Variants in MTMR7 observed in about 807,000 individuals in gnomAD.
The protein encoded by MTMR7 is phosphatidylinositol-3-phosphate phosphatase MTMR7.
MTMR7 carries 76 observed loss-of-function variants against 81.2 expected under a neutral mutation model. That is an observed-to-expected ratio of 0.94 (90% confidence interval 0.78 to 1.13). The LOEUF (loss-of-function observed/expected upper bound fraction) is 1.13, where lower values mean the gene tolerates loss of function less well. Ranked by LOEUF, MTMR7 falls within the 50% of genes most tolerant of loss-of-function variation. MTMR7 has a pLI of 0.00. For missense variants in MTMR7, 1,044 were observed against 820.0 expected, an observed-to-expected ratio of 1.27 and a Z score of -3.34; for synonymous variants, 372 against 289.8, an observed-to-expected ratio of 1.28 and a Z score of -2.88.
At chr8:17,309,138 T>C (rs1817649503) in intron 10 of MTMR7, 139 bp downstream of exon 10, 1 of 627,712 alleles carries the variant, frequency 1.6e-6, no homozygotes, top group Non-Finnish European at 2.8e-6. Context: ...TGATATGACA[T>C]ATACAACAAA....
exon 1 of MTMR7, chr8:17,413,349 TCTGCGGCGCGATGG>T: frequency 6.8e-7 from 1 of 1,477,874 alleles, no homozygotes; most frequent in Non-Finnish European, 9.0e-7. Context: ...CCTGCGCGCC[TCTGCGGCGCGATGG>T]GAGGGGCGCG....
chr8:17,392,187 T>G (rs1821128165), intron 1 of MTMR7, among the ~76,000 whole-genome samples: 1 of 152,098 alleles, frequency 6.6e-6, no homozygotes, highest in Non-Finnish European at 1.5e-5. Context: ...AAGCTTTAAA[T>G]AAGGATGAGA....
At chr8:17,302,052 G>C (rs1041524197) in intron 13 of MTMR7, 102 bp downstream of exon 13, 7 of 1,489,620 alleles carry the variant, frequency 4.7e-6, no homozygotes, top group South Asian at 1.2e-5. Flanking sequence ...GACTAAAAAT[G>C]TGAAATATTT....
Position 17,299,249 on chromosome 8 carries a change from G to C in MTMR7, c.*613C>G, listed in dbSNP as rs1300070450. 2 of 152,224 alleles carry C rather than the reference G, an allele frequency of 1.3e-5. No homozygotes were observed. Among genetic ancestry groups the C allele is most frequent in the African/African-American group, 4.8e-5 (2 of 41,446 alleles). The allele number at this position is 152,224 out of a possible 1,614,324, so 9.4% of individuals were successfully genotyped here. ...GAGGAGAAACAGACTATAGATCTCA[G>C]AGAAAAGCAACAAAATTATTCTCAC... On this transcript the variant is annotated 3_prime_UTR_variant, in exon 14 of 14. Coordinates refer to ENST00000180173, the MANE Select transcript of MTMR7 (RefSeq NM_004686.5).
At chr8:17,348,464 T>C (rs1231798672) in intron 5 of MTMR7, among the ~76,000 whole-genome samples, 2 of 150,376 alleles carry the variant, frequency 1.3e-5, no homozygotes, top group African/African-American at 4.9e-5. Context: ...GCAGGAGAAT[T>C]GCTTGAACCT....
At chr8:17,369,509 A>G (rs978236524) in intron 3 of MTMR7, among the ~76,000 whole-genome samples, 8 of 152,216 alleles carry the variant, frequency 5.3e-5, no homozygotes, top group Admixed American at 6.5e-5. Context: ...AGCATTTGGC[A>G]AAGTAATTAT....
At chr8:17,342,448 C>A (rs1819432679) in intron 5 of MTMR7, among the ~76,000 whole-genome samples, 3 of 152,170 alleles carry the variant, frequency 2.0e-5, no homozygotes. Context: ...CCTGTCATGT[C>A]ACAGCCTGTT....
chr8:17,378,430 C>G (rs926894417), intron 1 of MTMR7, among the ~76,000 whole-genome samples: 1 of 152,168 alleles, frequency 6.6e-6, no homozygotes, highest in Admixed American at 6.5e-5. Flanking sequence ...TGGGCACCAT[C>G]TTGAAGACCC....
chr8:17,395,548 G>C (rs183469747), intron 1 of MTMR7, among the ~76,000 whole-genome samples: 1 of 152,126 alleles, frequency 6.6e-6, no homozygotes, highest in Non-Finnish European at 1.5e-5. Flanking sequence ...AATGCACAAG[G>C]GTTCCAATTT....
intron 2 of MTMR7, among the ~76,000 whole-genome samples, chr8:17,372,579 C>T (rs925588044): frequency 2.0e-5 from 3 of 151,994 alleles, no homozygotes; most frequent in Admixed American, 6.6e-5. Flanking sequence ...CAGAGTAAGA[C>T]TCCATCTCAA....
chr8:17,367,489 C>G lies in MTMR7; in HGVS notation c.310+3548G>C, dbSNP rs75819001. Among the ~76,000 whole-genome samples, 125 of 152,278 alleles carry G rather than the reference C, an allele frequency of 8.2e-4. 2 individuals are homozygous for G. The East Asian group carries it at 0.021, about 25-fold the overall frequency. ...TAACTGATCTCATTTGACCCACAAC[C>G]CTTATTTTAACCTAACTTAGTTCTT... On this transcript the variant is annotated intron_variant, in intron 3 of 13. Transcript: ENST00000180173.
intron 1 of MTMR7, among the ~76,000 whole-genome samples, chr8:17,387,879 T>C (rs966103178): frequency 2.6e-5 from 4 of 152,208 alleles, no homozygotes; most frequent in Non-Finnish European, 5.9e-5. Context: ...TAAGCCTGAG[T>C]GTTTATAAAT....
rs1362950868 is a variant in MTMR7, at chr8:17,297,758, G to C, written c.*2104C>G. 6.6e-6 allele frequency: 1 copy of C among 151,902 alleles called. No individual in the cohort carries two copies. The highest frequency in any genetic ancestry group is 1.9e-4 in the East Asian group (1 of 5,190). 9.4% of individuals were successfully genotyped at this position (151,902 alleles called of 1,614,324 possible). A position where few individuals can be genotyped will look rare whatever the true frequency, so the allele number is the denominator to read the frequency against. On this transcript the variant is annotated 3_prime_UTR_variant, in exon 14 of 14. Coordinates refer to ENST00000180173, the MANE Select transcript of MTMR7 (RefSeq NM_004686.5). ...GGGATATTTTAGTCTTGTTGGGTTA[G>C]CCATGCTCTGAAGAATCTGTGAAAG...
chr8:17,298,772 CAT>C lies in MTMR7; in HGVS notation c.*1088_*1089del, dbSNP rs1252475966. 6.6e-6 allele frequency: 1 copy of C among 152,524 alleles called. No homozygotes were observed. The highest frequency in any genetic ancestry group is 2.4e-5 in the African/African-American group (1 of 41,430). The allele number at this position is 152,524 out of a possible 1,614,324, so 9.4% of individuals were successfully genotyped here. On this transcript the variant is annotated 3_prime_UTR_variant, in exon 14 of 14. Coordinates refer to ENST00000180173, the MANE Select transcript of MTMR7 (RefSeq NM_004686.5). ...TCACCTAGTGAAGTCTTTTTTAACT[CAT>C]AAGATAGGGGAGGGACTCTCCCTTA... is the stretch of plus-strand genomic sequence containing the variant.
chr8:17,342,139 T>C (rs1374252606), intron 5 of MTMR7, among the ~76,000 whole-genome samples: 1 of 152,174 alleles, frequency 6.6e-6, no homozygotes, highest in Non-Finnish European at 1.5e-5. Flanking sequence ...TCCCGTACCC[T>C]GCAATTCTGA....
intron 7 of MTMR7, among the ~76,000 whole-genome samples, chr8:17,316,133 G>T (rs1818054472): frequency 6.6e-6 from 1 of 152,138 alleles, no homozygotes; most frequent in African/African-American, 2.4e-5. Context: ...TACTAGCTAT[G>T]TGGGCTTGGG....
chr8:17,316,831 T>C (rs889813286), intron 7 of MTMR7, among the ~76,000 whole-genome samples: 10 of 152,138 alleles, frequency 6.6e-5, no homozygotes, highest in African/African-American at 2.2e-4. Context: ...TGTAAGGGAC[T>C]TCTGCGTGTG....
chr8:17,342,734 G>C (rs936755492), intron 5 of MTMR7, among the ~76,000 whole-genome samples: 2 of 152,120 alleles, frequency 1.3e-5, no homozygotes, highest in Non-Finnish European at 2.9e-5. Context: ...GGGGGTTAAA[G>C]GAAGCCTGAG....
At position 17,298,020 on chromosome 8, in the gene MTMR7, G is replaced by T. The variant is rs1054897939; in HGVS notation, c.*1842C>A. The T allele has an allele frequency of 6.6e-6, 1 of 151,950 alleles. No homozygotes were observed. Among genetic ancestry groups the T allele is most frequent in the Non-Finnish European group, 1.5e-5 (1 of 67,886 alleles). 9.4% of individuals were successfully genotyped at this position (151,950 alleles called of 1,614,324 possible). A position where few individuals can be genotyped will look rare whatever the true frequency, so the allele number is the denominator to read the frequency against. ...TCAAATAAAAGCATAGTGCTGTTTG[G>T]CATAGATACTTTGTCATTTTTTAAA... On this transcript the variant is annotated 3_prime_UTR_variant, in exon 14 of 14. Coordinates refer to ENST00000180173, the MANE Select transcript of MTMR7 (RefSeq NM_004686.5).
Sources: allele counts gnomAD v4.1 joint callset (sites outside exome capture counted in the v4.1 genomes callset), GRCh38; gene constraint gnomAD v4.1.1; transcripts MANE v1.5; gene names NCBI Gene and HGNC (gene_info 2026-07-23, HGNC 2026-07-21).